The following HIVEP2 variants were observed in gnomAD, a reference collection of about 807,000 sequenced individuals.
The protein encoded by HIVEP2 is transcription factor HIVEP2.
In HIVEP2, 14 loss-of-function variants were observed where a neutral mutation model predicts 180.7. That is an observed-to-expected ratio of 0.08 (90% CI 0.05 to 0.12). The LOEUF (loss-of-function observed/expected upper bound fraction) is 0.12. HIVEP2 is among the 10% of genes least tolerant of loss of function. The probability of loss-of-function intolerance (pLI) is 1.00; values close to 1 mark genes in which losing one functional copy is unlikely to be tolerated. For synonymous variants in HIVEP2, 1,184 were observed against 1,136.4 expected (o/e 1.04, Z -0.84); for missense variants, 2,579 against 3,008.5 (o/e 0.86, Z 3.34).
chr6:142,809,044 C>T (rs1472777662), intron 2 of HIVEP2, among the ~76,000 whole-genome samples: 8 of 151,984 alleles, frequency 5.3e-5, no homozygotes, highest in Admixed American at 5.2e-4. Context: ...CAAGGTCTTT[C>T]ACAGAATACG....
chr6:142,840,268 G>A (rs920031052), intron 1 of HIVEP2, among the ~76,000 whole-genome samples: 3 of 141,680 alleles, frequency 2.1e-5, no homozygotes, highest in African/African-American at 7.9e-5. Context: ...TCCCCTTGTG[G>A]CTAATTAGTA....
intron 1 of HIVEP2, among the ~76,000 whole-genome samples, chr6:142,886,642 C>T (rs1157619168): frequency 6.6e-6 from 1 of 152,128 alleles, no homozygotes; most frequent in East Asian, 1.9e-4. Flanking sequence ...CAAATCCTTT[C>T]CTAATTGTGG....
At chr6:142,768,306 T>C in intron 6 of HIVEP2, 76 bp downstream of exon 6, 1 of 1,380,048 alleles carries the variant, frequency 7.2e-7, no homozygotes, top group Non-Finnish European at 9.9e-7. Context: ...AGACAGTACC[T>C]TTTCCATGCA....
chr6:142,824,670 C>T (rs1774817756), intron 2 of HIVEP2, among the ~76,000 whole-genome samples: 1 of 152,204 alleles, frequency 6.6e-6, no homozygotes, highest in Admixed American at 6.5e-5. Flanking sequence ...ATGCCTAATA[C>T]CTCGTAGCCG....
At chr6:142,863,549 C>T (rs1399660615) in intron 1 of HIVEP2, among the ~76,000 whole-genome samples, 1 of 151,940 alleles carries the variant, frequency 6.6e-6, no homozygotes, top group Non-Finnish European at 1.5e-5. Context: ...AGACAGGACA[C>T]GCAAATATCA....
Position 142,759,876 on chromosome 6 carries a change from T to C in HIVEP2, c.6412A>G (p.Met2138Val). Residue 2138 changes from methionine (M) to valine (V), a missense_variant, in exon 9 of 10, where the codon ATG (methionine) becomes GTG (valine). Met to Val is a conservative substitution (Grantham distance 21). Transcript: ENST00000367603. The part of the protein sequence containing the change: ...DLSPRRERRY[M>V]TTIRAPSPRR... ...GGAGATGGCGCTCTTATTGTGGTCA[T>C]GTATCTTCTCTCTCTTCTAGGAGAG... The C allele has an allele frequency of 6.2e-7, 1 of 1,614,148 alleles. No individual in the cohort carries two copies. The highest frequency in any genetic ancestry group is 8.5e-7 in the Non-Finnish European group (1 of 1,180,004).
At chr6:142,942,090 T>G (rs1778192096) in intron 1 of HIVEP2, among the ~76,000 whole-genome samples, 2 of 152,222 alleles carry the variant, frequency 1.3e-5, no homozygotes, top group Non-Finnish European at 2.9e-5. Context: ...ATAGTTTCAC[T>G]CATGCCAACT....
chr6:142,775,760 G>A (rs1435569558), intron 4 of HIVEP2, among the ~76,000 whole-genome samples: 3 of 151,804 alleles, frequency 2.0e-5, no homozygotes, highest in East Asian at 1.9e-4. Flanking sequence ...GCTTGAACCC[G>A]GGAGGCAGAG....
At chr6:142,861,013 C>G (rs1775964977) in intron 1 of HIVEP2, among the ~76,000 whole-genome samples, 1 of 152,136 alleles carries the variant, frequency 6.6e-6, no homozygotes, top group Non-Finnish European at 1.5e-5. Flanking sequence ...AGACACAGAT[C>G]TATTTTCAAG....
At chr6:142,817,446 T>C (rs1776872885) in intron 2 of HIVEP2, among the ~76,000 whole-genome samples, 1 of 152,232 alleles carries the variant, frequency 6.6e-6, no homozygotes, top group South Asian at 2.1e-4. Context: ...AGTTATTTCA[T>C]TTCAAATAAG....
chr6:142,803,412 T>C (rs1562241148), intron 2 of HIVEP2, among the ~76,000 whole-genome samples: 1 of 152,120 alleles, frequency 6.6e-6, no homozygotes, highest in Non-Finnish European at 1.5e-5. Flanking sequence ...GCAAGGCATA[T>C]AATTAGTTGA....
In HIVEP2 at chr6:142,759,975, C is replaced by T. The variant is rs1278334492; in HGVS notation, c.6313G>A (p.Val2105Ile). 6.2e-7 allele frequency: 1 copy of T among 1,613,964 alleles called. No homozygotes were observed. Among genetic ancestry groups the T allele is most frequent in the Non-Finnish European group, 8.5e-7 (1 of 1,179,954 alleles). ...ALRREMSQRD[V>I]SPRRHLSPRR... ...GGAGACAAATGCCTTCTTGGTGAAACATCTCTTTGGGACATCTCTCTTCTC... is the reference window on the plus strand; with the variant it reads ...GGAGACAAATGCCTTCTTGGTGAAATATCTCTTTGGGACATCTCTCTTCTC... Residue 2105 changes from valine to isoleucine, a missense_variant, in exon 9 of 10, where the codon GTT becomes ATT. Around this residue, in one of 11 missense-constraint regions of HIVEP2, gnomAD observed 660 missense variants for 731.7 expected, o/e 0.90. Transcript: ENST00000367603.
At chr6:142,918,468 C>CT (rs1777613858) in intron 1 of HIVEP2, among the ~76,000 whole-genome samples, 1 of 152,244 alleles carries the variant, frequency 6.6e-6, no homozygotes, top group African/African-American at 2.4e-5. Context: ...CACCCTAAAG[C>CT]TTTAACAGAC....
intron 2 of HIVEP2, among the ~76,000 whole-genome samples, chr6:142,796,027 G>A (rs1479886749): frequency 1.3e-5 from 2 of 151,884 alleles, no homozygotes; most frequent in Non-Finnish European, 2.9e-5. Flanking sequence ...CACGTGGAGA[G>A]GACACATGAA....
At chr6:142,914,006 GAA>G (rs372029128) in intron 1 of HIVEP2, among the ~76,000 whole-genome samples, 5 of 145,436 alleles carry the variant, frequency 3.4e-5, no homozygotes, top group Non-Finnish European at 6.1e-5. Context: ...CTCAGTATAT[GAA>G]AAAAAAAAAA....
intron 9 of HIVEP2, among the ~76,000 whole-genome samples, chr6:142,756,366 T>C (rs1474821332): frequency 6.6e-6 from 1 of 152,166 alleles, no homozygotes; most frequent in East Asian, 1.9e-4. Context: ...AACAGTCCTG[T>C]CCTGAAGGTG....
At chr6:142,881,186 T>C (rs1653676757) in intron 1 of HIVEP2, among the ~76,000 whole-genome samples, 1 of 152,208 alleles carries the variant, frequency 6.6e-6, no homozygotes, top group South Asian at 2.1e-4. Flanking sequence ...TCCACTCATA[T>C]AAAACTAACC....
At chr6:142,819,382 G>A (rs886297785) in intron 2 of HIVEP2, among the ~76,000 whole-genome samples, 3 of 152,082 alleles carry the variant, frequency 2.0e-5, no homozygotes, top group East Asian at 3.9e-4. Context: ...TCTTAAAGGG[G>A]TTTATAAACC....
chr6:142,772,407 G>C lies in HIVEP2; in HGVS notation c.2332C>G (p.Pro778Ala). 6.2e-7 allele frequency: 1 copy of C among 1,614,218 alleles called. No individual in the cohort carries two copies. Residue 778 changes from proline (P) to alanine (A), a missense_variant, in exon 5 of 10, where the codon CCT (proline) becomes GCT (alanine). Transcript: ENST00000367603. The surrounding 1 kb of genome is among the most constrained non-coding windows in gnomAD (Gnocchi z 4.9). ...GSPSLVSEESPSAIDSDKMSD... is the reference protein window; with the variant it reads ...GSPSLVSEESASAIDSDKMSD... Reference sequence around the variant, plus strand: ...ATCTTGTCTGAATCAATGGCTGAAGGTGACTCCTCTGACACAAGAGATGGA... The same window carrying C: ...ATCTTGTCTGAATCAATGGCTGAAGCTGACTCCTCTGACACAAGAGATGGA...
Sources: gnomAD v4.1 joint callset for allele counts (sites outside exome capture counted in the v4.1 genomes callset) on GRCh38, gnomAD v4.1.1 for gene constraint, gnomAD v4.1.1 regional missense constraint, Gnocchi (gnomAD v3.1) non-coding constraint, MANE v1.5 for transcripts, NCBI Gene and HGNC (gene_info 2026-07-23, HGNC 2026-07-21) for gene names.